The following SH3BGRL2 variants were observed in gnomAD, a reference collection of about 807,000 sequenced individuals.
The protein encoded by SH3BGRL2 is SH3 domain-binding glutamic acid-rich-like protein 2.
In SH3BGRL2, 21 loss-of-function variants were observed where a neutral mutation model predicts 14.8. The ratio of observed to expected loss-of-function variants is 1.42; its 90% confidence interval spans 1.01 to 2.05. The LOEUF (loss-of-function observed/expected upper bound fraction) is 2.05, where lower values mean the gene tolerates loss of function less well. Ranked by LOEUF, SH3BGRL2 falls within the 30% of genes most tolerant of loss-of-function variation. SH3BGRL2 has a pLI of 0.00. For missense variants in SH3BGRL2, 147 were observed against 130.8 expected, an observed-to-expected ratio of 1.12 and a Z score of -0.61; for synonymous variants, 50 against 47.8, an observed-to-expected ratio of 1.05 and a Z score of -0.19.
At chr6:79,561,623 A>ATATC in the SH3BGRL2 span, 5 of 152,220 alleles carry the variant, frequency 3.3e-5, no homozygotes, top group African/African-American at 4.8e-5. Context: ...ATCGAGCAAG[A>ATATC]TATCTTCTCA....
chr6:79,585,352 AATGGC>A, the SH3BGRL2 span, among the ~76,000 whole-genome samples: 1 of 152,204 alleles, frequency 6.6e-6, no homozygotes, highest in Non-Finnish European at 1.5e-5. Context: ...TTTCAAGATA[AATGGC>A]AAACTCTTGG....
the SH3BGRL2 span, among the ~76,000 whole-genome samples, chr6:79,569,266 T>C: frequency 6.6e-6 from 1 of 152,232 alleles, no homozygotes; most frequent in African/African-American, 2.4e-5. Context: ...GAAGGGAGTG[T>C]CTGGGTTAAG....
At position 79,631,501 on chromosome 6, in the gene SH3BGRL2, G is replaced by T; in HGVS notation, c.40G>T (p.Val14Leu). Residue 14 changes from valine (V) to leucine (L), a missense_variant, in exon 1 of 4, where the codon GTG becomes TTG. By Grantham distance (32) the Val-to-Leu change is conservative. Coordinates refer to ENST00000369838, the MANE Select transcript of SH3BGRL2 (RefSeq NM_031469.4). ...RVFIASSSGF[V>L]AIKKKQQDVV... Reference sequence around the variant, plus strand: ...GTTCATCGCCTCTTCCTCGGGCTTCGTGGCGGTGAGCGCGGTGGGGGCGGG... The same window carrying T: ...GTTCATCGCCTCTTCCTCGGGCTTCTTGGCGGTGAGCGCGGTGGGGGCGGG... The T allele has an allele frequency of 2.0e-6, 3 of 1,479,506 alleles. No homozygotes were observed. Among genetic ancestry groups the T allele is most frequent in the Non-Finnish European group, 2.7e-6 (3 of 1,110,316 alleles). 91.6% of individuals were successfully genotyped at this position (1,479,506 alleles called of 1,614,324 possible). A position where few individuals can be genotyped will look rare whatever the true frequency, so the allele number is the denominator to read the frequency against.
chr6:79,635,027 C>G (rs993849120), intron 1 of SH3BGRL2, among the ~76,000 whole-genome samples: 1 of 152,088 alleles, frequency 6.6e-6, no homozygotes, highest in African/African-American at 2.4e-5. Context: ...GTGACAAACT[C>G]TGTAGTGCTT....
intron 2 of SH3BGRL2, 121 bp from the exon 3 acceptor site, chr6:79,696,364 C>T: frequency 1.5e-6 from 1 of 658,194 alleles, no homozygotes; most frequent in South Asian, 2.1e-5. Flanking sequence ...TTTAGCTTTT[C>T]CCTGATCTGG....
chr6:79,701,855 C>T lies in SH3BGRL2; in HGVS notation c.*2346C>T, dbSNP rs1507. On this transcript the variant is annotated 3_prime_UTR_variant, in exon 4 of 4. Coordinates refer to ENST00000369838, the MANE Select transcript of SH3BGRL2 (RefSeq NM_031469.4). Reference sequence around the variant, plus strand: ...TCTTGTTCCCTTCTTTAACTAGCTGCCTTTAGATTTTGATAATCACAGTCT... The same window carrying T: ...TCTTGTTCCCTTCTTTAACTAGCTGTCTTTAGATTTTGATAATCACAGTCT... The T allele has an allele frequency of 6.6e-6, 1 of 152,478 alleles. No individual in the cohort carries two copies. The highest frequency in any genetic ancestry group is 1.5e-5 in the Non-Finnish European group (1 of 67,990). The allele number at this position is 152,478 out of a possible 1,614,324, so 9.4% of individuals were successfully genotyped here.
chr6:79,581,686 C>T, the SH3BGRL2 span, among the ~76,000 whole-genome samples: 1 of 152,162 alleles, frequency 6.6e-6, no homozygotes, highest in Non-Finnish European at 1.5e-5. Context: ...CAATATCATA[C>T]TGAATGGGCA....
At chr6:79,672,441 G>T (rs1303648838) in intron 1 of SH3BGRL2, among the ~76,000 whole-genome samples, 2 of 151,982 alleles carry the variant, frequency 1.3e-5, no homozygotes. Context: ...AGTGGGCTTA[G>T]TCTACATATA....
At chr6:79,686,846 A>G (rs1211610036) in intron 2 of SH3BGRL2, among the ~76,000 whole-genome samples, 1 of 152,146 alleles carries the variant, frequency 6.6e-6, no homozygotes, top group Non-Finnish European at 1.5e-5. Context: ...GAGTGGGGGT[A>G]GCATGAAGCA....
At chr6:79,627,088 C>A (rs977351186), upstream of SH3BGRL2, among the ~76,000 whole-genome samples, 4 of 152,142 alleles carry the variant, frequency 2.6e-5, no homozygotes, top group African/African-American at 7.2e-5. Context: ...TTCCCCGGGC[C>A]ACAGACTAGC....
At chr6:79,690,767 C>G (rs539259899) in intron 2 of SH3BGRL2, among the ~76,000 whole-genome samples, 1 of 152,204 alleles carries the variant, frequency 6.6e-6, no homozygotes, top group East Asian at 1.9e-4. Context: ...ATAACACCCC[C>G]TTGACTGGGC....
chr6:79,703,216 ACT>A lies in SH3BGRL2; in HGVS notation c.*3711_*3712del. 1 of 152,104 alleles carries A rather than the reference ACT, an allele frequency of 6.6e-6. No individual in the cohort carries two copies. Among genetic ancestry groups the A allele is most frequent in the Non-Finnish European group, 1.5e-5 (1 of 67,980 alleles). 9.4% of individuals were successfully genotyped at this position (152,104 alleles called of 1,614,324 possible). On this transcript the variant is annotated 3_prime_UTR_variant, in exon 4 of 4. Coordinates refer to ENST00000369838, the MANE Select transcript of SH3BGRL2 (RefSeq NM_031469.4). ...GTTGTCAGAGCAGGGCAATATCTCT[ACT>A]CTCAAGTATGAGGGGAATAGAAACA...
At chr6:79,543,077 A>G in the SH3BGRL2 span, among the ~76,000 whole-genome samples, 64 of 152,298 alleles carry the variant, frequency 4.2e-4, no homozygotes, top group African/African-American at 1.3e-3. Flanking sequence ...GAGGAAACTG[A>G]CCCTGAGGAT....
the SH3BGRL2 span, among the ~76,000 whole-genome samples, chr6:79,614,409 A>G: frequency 6.6e-6 from 1 of 152,114 alleles, no homozygotes; most frequent in Non-Finnish European, 1.5e-5. Context: ...CTGGATTACA[A>G]AAGGGATTTC....
At chr6:79,679,329 T>C (rs1314913005) in intron 2 of SH3BGRL2, among the ~76,000 whole-genome samples, 3 of 152,128 alleles carry the variant, frequency 2.0e-5, no homozygotes, top group Non-Finnish European at 4.4e-5. Context: ...ATGCATCTCA[T>C]TGTGGTTTTG....
the SH3BGRL2 span, among the ~76,000 whole-genome samples, chr6:79,589,204 A>T: frequency 4.9e-3 from 418 of 85,478 alleles, 4 homozygotes; most frequent in South Asian, 7.9e-3. Flanking sequence ...ATATATATAT[A>T]TATTTTTTTT....
upstream of SH3BGRL2, among the ~76,000 whole-genome samples, chr6:79,627,706 C>T (rs1390621242): frequency 6.6e-6 from 1 of 152,058 alleles, no homozygotes; most frequent in Admixed American, 6.6e-5. Flanking sequence ...TTTTTAATTC[C>T]TCATTCTTTT....
chr6:79,555,087 G>A, the SH3BGRL2 span, among the ~76,000 whole-genome samples: 2 of 152,004 alleles, frequency 1.3e-5, no homozygotes, highest in African/African-American at 4.8e-5. Flanking sequence ...TAATTTAAAG[G>A]TGCTAAGTCA....
chr6:79,681,911 C>T (rs551595746), intron 2 of SH3BGRL2, among the ~76,000 whole-genome samples: 38 of 151,664 alleles, frequency 2.5e-4, no homozygotes, highest in African/African-American at 6.8e-4. Context: ...GAGATCGCCC[C>T]GCTGCACTCC....
Sources: allele counts gnomAD v4.1 joint callset (sites outside exome capture counted in the v4.1 genomes callset), GRCh38; gene constraint gnomAD v4.1.1; transcripts MANE v1.5; gene names NCBI Gene and HGNC (gene_info 2026-07-23, HGNC 2026-07-21).